The following NYAP2 variants were observed in gnomAD, a reference collection of about 807,000 sequenced individuals.
The protein encoded by NYAP2 is neuronal tyrosine-phosphorylated phosphoinositide-3-kinase adapter 2.
Under a neutral mutation model 50.4 loss-of-function variants are expected in NYAP2, and 23 were observed. That is an observed-to-expected ratio of 0.46 (90% CI 0.33 to 0.65). The LOEUF (loss-of-function observed/expected upper bound fraction) is 0.65. Among genes scored for constraint, NYAP2 ranks in the 30% least tolerant of loss-of-function variants. The pLI is 0.02. For missense variants in NYAP2, 885 were observed against 861.0 expected (o/e 1.03, Z -0.35); for synonymous variants, 394 against 365.2 (o/e 1.08, Z -0.90).
chr2:225,595,107 T>C (rs192566815), intron 5 of NYAP2, among the ~76,000 whole-genome samples: 1 of 152,358 alleles, frequency 6.6e-6, no homozygotes, highest in South Asian at 2.1e-4. Flanking sequence ...ATTCTACTAC[T>C]CAACTTTCAG....
chr2:225,480,782 G>T (rs907911804), intron 3 of NYAP2, among the ~76,000 whole-genome samples: 3 of 152,012 alleles, frequency 2.0e-5, no homozygotes, highest in Non-Finnish European at 4.4e-5. Flanking sequence ...ACAATGAGGA[G>T]ACAATTTGGT....
chr2:225,484,561 G>C (rs754187847), intron 3 of NYAP2, among the ~76,000 whole-genome samples: 1 of 152,210 alleles, frequency 6.6e-6, no homozygotes, highest in Non-Finnish European at 1.5e-5. Context: ...GAGCTAGTTA[G>C]CTCAACTAGC....
intron 3 of NYAP2, among the ~76,000 whole-genome samples, chr2:225,468,916 C>T (rs1689967586): frequency 1.3e-5 from 2 of 152,130 alleles, no homozygotes; most frequent in African/African-American, 4.8e-5. Context: ...AATTTCTCTG[C>T]CATTTGGCCA....
At chr2:225,589,620 G>T (rs1284910577) in intron 5 of NYAP2, among the ~76,000 whole-genome samples, 1 of 149,828 alleles carries the variant, frequency 6.7e-6, no homozygotes, top group African/African-American at 2.5e-5. Flanking sequence ...AGTTGAGTCT[G>T]GGAGTTTGAG....
At chr2:225,614,441 G>A (rs1692951681) in intron 5 of NYAP2, among the ~76,000 whole-genome samples, 1 of 152,106 alleles carries the variant, frequency 6.6e-6, no homozygotes, top group Non-Finnish European at 1.5e-5. Context: ...TCAAATGAAT[G>A]ATCATTCTAG....
At chr2:225,590,244 A>C (rs531569894) in intron 5 of NYAP2, among the ~76,000 whole-genome samples, 2 of 152,324 alleles carry the variant, frequency 1.3e-5, no homozygotes, top group Non-Finnish European at 2.9e-5. Context: ...CTTCTGCCTT[A>C]GCAAGGGTCC....
At chr2:225,592,036 C>T (rs1295583897) in intron 5 of NYAP2, among the ~76,000 whole-genome samples, 2 of 152,252 alleles carry the variant, frequency 1.3e-5, no homozygotes, top group East Asian at 1.9e-4. Flanking sequence ...GCCTCAGAAT[C>T]GCCTAAATGA....
rs946009001 is a variant in NYAP2, at chr2:225,522,143, C to A, written c.523+8471C>A. ...ATATCCCCTTTATCATTTTTTATTG[C>A]ATCTATTTGATTCTTCTCTCTTTTC... On this transcript the variant is annotated intron_variant, in intron 4 of 6. Transcript: ENST00000636099. Among the ~76,000 whole-genome samples the A allele has an allele frequency of 2.6e-5, 4 of 151,982 alleles. No homozygotes were observed. The South Asian group carries it at 8.3e-4, about 32-fold the overall frequency.
At chr2:225,492,148 A>G (rs1385259348) in intron 3 of NYAP2, among the ~76,000 whole-genome samples, 2 of 152,178 alleles carry the variant, frequency 1.3e-5, no homozygotes, top group Non-Finnish European at 2.9e-5. Context: ...GTGTGATTGG[A>G]AGAGCAAATG....
the NYAP2 span, among the ~76,000 whole-genome samples, chr2:225,676,990 C>G: frequency 6.6e-6 from 1 of 152,022 alleles, no homozygotes; most frequent in Non-Finnish European, 1.5e-5. Context: ...TGTAAGTTGC[C>G]TTAGGCAGTA....
intron 3 of NYAP2, among the ~76,000 whole-genome samples, chr2:225,424,141 CT>C (rs1695254148): frequency 6.6e-6 from 1 of 152,088 alleles, no homozygotes; most frequent in Non-Finnish European, 1.5e-5. Flanking sequence ...TCTCTCAACT[CT>C]TTCAAATTAA....
intron 5 of NYAP2, among the ~76,000 whole-genome samples, chr2:225,594,722 G>GATCAA (rs1692567452): frequency 6.6e-6 from 1 of 151,882 alleles, no homozygotes; most frequent in African/African-American, 2.4e-5. Flanking sequence ...ATTTTTTTTG[G>GATCAA]AATTCAGTAA....
At chr2:225,680,405 T>C in the NYAP2 span, among the ~76,000 whole-genome samples, 8 of 152,178 alleles carry the variant, frequency 5.3e-5, no homozygotes, top group Non-Finnish European at 7.3e-5. Flanking sequence ...TGTCCAATTA[T>C]GAATGCCAAG....
intron 3 of NYAP2, among the ~76,000 whole-genome samples, chr2:225,443,392 G>T (rs1051576449): frequency 6.6e-6 from 1 of 152,080 alleles, no homozygotes; most frequent in Non-Finnish European, 1.5e-5. Context: ...CCTGAAGCAT[G>T]GACAGGAAAC....
chr2:225,533,798 G>A (rs1257698714), intron 4 of NYAP2, among the ~76,000 whole-genome samples: 2 of 152,026 alleles, frequency 1.3e-5, no homozygotes, highest in Admixed American at 6.6e-5. Flanking sequence ...ATGAAAATTA[G>A]ACCTCACTTG....
intron 4 of NYAP2, among the ~76,000 whole-genome samples, chr2:225,574,368 A>G (rs569210104): frequency 1.3e-5 from 2 of 152,198 alleles, no homozygotes; most frequent in African/African-American, 2.4e-5. Context: ...ACTCATGTCC[A>G]GTTCTCCCTA....
Position 225,620,380 on chromosome 2 carries a change from C to T in NYAP2, c.1619-6537C>T, listed in dbSNP as rs1693069194. 2.0e-5 allele frequency among the ~76,000 whole-genome samples: 3 copies of T among 151,912 alleles called. No homozygotes were observed. In the South Asian group the frequency reaches 6.2e-4, roughly 32 times the overall value. On this transcript the variant is annotated intron_variant, in intron 5 of 6. Transcript: ENST00000636099. The stretch of plus-strand genomic sequence containing the variant: ...TTGAATACATACACACACACAGGCA[C>T]CCACACGCACGCACGCACACACGCG...
intron 3 of NYAP2, among the ~76,000 whole-genome samples, chr2:225,436,029 G>T (rs1689370273): frequency 6.6e-6 from 1 of 152,106 alleles, no homozygotes; most frequent in Non-Finnish European, 1.5e-5. Context: ...ATTATTTATT[G>T]ATCACCTACT....
chr2:225,560,022 T>C (rs1691845172), intron 4 of NYAP2, among the ~76,000 whole-genome samples: 1 of 152,052 alleles, frequency 6.6e-6, no homozygotes, highest in Admixed American at 6.6e-5. Flanking sequence ...ATTTTAAAAG[T>C]AAAGCCTCAT....
Sources: allele counts gnomAD v4.1 joint callset (sites outside exome capture counted in the v4.1 genomes callset), GRCh38; gene constraint gnomAD v4.1.1; transcripts MANE v1.5; gene names NCBI Gene and HGNC (gene_info 2026-07-23, HGNC 2026-07-21).